Variants in TFDP2 observed in about 807,000 individuals in gnomAD.
The protein encoded by TFDP2 is transcription factor Dp-2 (E2F dimerization partner 2).
TFDP2 carries 17 observed loss-of-function variants against 59.3 expected under a neutral mutation model. That is an observed-to-expected ratio of 0.29 (90% confidence interval 0.20 to 0.43). The LOEUF (loss-of-function observed/expected upper bound fraction) is 0.43. Among genes scored for constraint, TFDP2 ranks in the 20% least tolerant of loss-of-function variants. The pLI is 1.00. For missense variants in TFDP2, 391 were observed against 528.8 expected, an observed-to-expected ratio of 0.74 and a Z score of 2.56; for synonymous variants, 180 against 194.7, an observed-to-expected ratio of 0.92 and a Z score of 0.63.
chr3:142,093,262 C>G (rs1157288000), intron 2 of TFDP2, 135 bp from the exon 3 acceptor site: 1 of 525,870 alleles, frequency 1.9e-6, no homozygotes, highest in Non-Finnish European at 3.2e-6. Flanking sequence ...ATTATATTAA[C>G]CACAGGAGTA....
At chr3:142,071,837 A>G (rs1283703140) in intron 3 of TFDP2, among the ~76,000 whole-genome samples, 1 of 152,196 alleles carries the variant, frequency 6.6e-6, no homozygotes, top group Non-Finnish European at 1.5e-5. Context: ...TAAAATAATT[A>G]CTTTAATTCT....
intron 3 of TFDP2, among the ~76,000 whole-genome samples, chr3:142,015,048 A>T (rs906129527): frequency 4.6e-5 from 7 of 151,976 alleles, no homozygotes; most frequent in Non-Finnish European, 1.0e-4. Context: ...TTAAAATCAC[A>T]CCTTCTTTAG....
In TFDP2 at chr3:141,995,557, G is replaced by A. The variant is rs141316074; in HGVS notation, c.187-416C>T. Among the ~76,000 whole-genome samples the A allele has an allele frequency of 2.1e-3, 319 of 152,230 alleles. 5 individuals are homozygous for A. The highest frequency in any genetic ancestry group is 7.5e-3 in the African/African-American group (310 of 41,538). ...TATACACAAAGATACTATCCAGCTT[G>A]GATTATTATATAGATGCAATTTTAT... On this transcript the variant is annotated intron_variant, in intron 4 of 12. Transcript: ENST00000489671.
chr3:142,061,032 CAAACTA>C (rs1208738806), intron 3 of TFDP2, among the ~76,000 whole-genome samples: 1 of 152,174 alleles, frequency 6.6e-6, no homozygotes, highest in Non-Finnish European at 1.5e-5. Flanking sequence ...TAATTCAACT[CAAACTA>C]AATCTCATTA....
intron 3 of TFDP2, among the ~76,000 whole-genome samples, chr3:142,066,675 G>A (rs1269827406): frequency 6.6e-6 from 1 of 151,960 alleles, no homozygotes; most frequent in African/African-American, 2.4e-5. Context: ...TATCTTCTGG[G>A]GACTCTAACT....
chr3:142,014,387 C>A (rs1025297646), intron 3 of TFDP2, among the ~76,000 whole-genome samples: 2 of 151,936 alleles, frequency 1.3e-5, no homozygotes, highest in African/African-American at 2.4e-5. Context: ...TGAGCTCAAG[C>A]GATCCTCCCA....
intron 3 of TFDP2, chr3:142,043,730 G>A (rs1377468170): frequency 4.5e-6 from 6 of 1,332,816 alleles, no homozygotes; most frequent in African/African-American, 4.3e-5. Flanking sequence ...TTAGACCTGG[G>A]GGCCTCAGCC....
chr3:142,139,123 C>T (rs371600749), intron 1 of TFDP2, among the ~76,000 whole-genome samples: 2 of 152,154 alleles, frequency 1.3e-5, no homozygotes, highest in African/African-American at 4.8e-5. Flanking sequence ...TGCGTAATGG[C>T]CTTCTTTGTC....
intron 3 of TFDP2, among the ~76,000 whole-genome samples, chr3:142,072,637 C>T (rs1329029771): frequency 6.6e-6 from 1 of 152,068 alleles, no homozygotes; most frequent in Non-Finnish European, 1.5e-5. Context: ...AAGGAAGTAT[C>T]AAAAACAAAC....
intron 3 of TFDP2, among the ~76,000 whole-genome samples, chr3:142,076,954 A>G (rs2060478860): frequency 6.6e-6 from 1 of 152,224 alleles, no homozygotes; most frequent in African/African-American, 2.4e-5. Context: ...AGAGGGTAGG[A>G]AAGAGAGTCT....
intron 8 of TFDP2, among the ~76,000 whole-genome samples, chr3:141,973,748 A>G (rs1230370765): frequency 1.3e-5 from 2 of 151,674 alleles, no homozygotes; most frequent in African/African-American, 4.8e-5. Flanking sequence ...CATTTCACCA[A>G]AAGTTTATTA....
intron 3 of TFDP2, among the ~76,000 whole-genome samples, chr3:142,065,503 T>C (rs535970955): frequency 6.9e-6 from 1 of 144,572 alleles, no homozygotes; most frequent in Non-Finnish European, 1.6e-5. Context: ...TGTGTGTGTG[T>C]GTGTGGGTGT....
At chr3:142,018,690 C>T (rs1945333953) in intron 3 of TFDP2, among the ~76,000 whole-genome samples, 2 of 152,228 alleles carry the variant, frequency 1.3e-5, no homozygotes, top group Admixed American at 1.3e-4. Context: ...AGCAATCCTC[C>T]CACCTCGGCC....
At chr3:142,104,195 T>C (rs1309630600) in intron 1 of TFDP2, among the ~76,000 whole-genome samples, 2 of 152,228 alleles carry the variant, frequency 1.3e-5, no homozygotes, top group Non-Finnish European at 2.9e-5. Flanking sequence ...AAAAATAAAG[T>C]TCCTATGCTA....
chr3:141,973,123 A>ATAT, intron 8 of TFDP2, among the ~76,000 whole-genome samples: 18 of 58,026 alleles, frequency 3.1e-4, no homozygotes, highest in East Asian at 2.1e-3. Context: ...ATATATATAT[A>ATAT]TTTTTTTTTT....
chr3:142,109,337 T>TC (rs1400280301), intron 1 of TFDP2, among the ~76,000 whole-genome samples: 1 of 151,826 alleles, frequency 6.6e-6, no homozygotes, highest in Non-Finnish European at 1.5e-5. Context: ...AGCTACATTT[T>TC]TTTTTTTTTT....
At chr3:141,981,474 G>C (rs62283130) in intron 6 of TFDP2, among the ~76,000 whole-genome samples, 33,218 of 152,068 alleles carry the variant, frequency 0.22, 3,827 homozygotes, top group Non-Finnish European at 0.26. Context: ...TACATAGAAA[G>C]AGATACTAAA....
At chr3:142,050,547 T>G (rs1381085592) in intron 3 of TFDP2, among the ~76,000 whole-genome samples, 1 of 151,438 alleles carries the variant, frequency 6.6e-6, no homozygotes, top group East Asian at 2.0e-4. Context: ...CACAAAAAAA[T>G]TAGCCGGGTG....
At chr3:141,962,310 T>C (rs1037228404) in intron 10 of TFDP2, among the ~76,000 whole-genome samples, 2 of 152,186 alleles carry the variant, frequency 1.3e-5, no homozygotes, top group Non-Finnish European at 2.9e-5. Context: ...TATTTCTTTT[T>C]GTGTCTATAG....
Sources: allele counts gnomAD v4.1 joint callset (sites outside exome capture counted in the v4.1 genomes callset), GRCh38; gene constraint gnomAD v4.1.1; transcripts MANE v1.5; gene names NCBI Gene and HGNC (gene_info 2026-07-23, HGNC 2026-07-21).